CCSER1: variants seen among roughly 807,000 people sequenced by gnomAD.
CCSER1 encodes the protein coiled-coil serine rich protein 1.
A neutral mutation model predicts 82.0 loss-of-function variants in CCSER1; 41 were observed. That is an observed-to-expected ratio of 0.50 (90% CI 0.39 to 0.65). The LOEUF is 0.65. Among genes scored for constraint, CCSER1 ranks in the 30% least tolerant of loss-of-function variants. The pLI is 0.00. For synonymous variants in CCSER1, 414 were observed against 383.9 expected (o/e 1.08, Z -0.92); for missense variants, 1,119 against 1,064.2 (o/e 1.05, Z -0.72).
At chr4:90,269,993 C>A (rs979521435) in intron 1 of CCSER1, among the ~76,000 whole-genome samples, 3 of 151,968 alleles carry the variant, frequency 2.0e-5, no homozygotes, top group African/African-American at 7.2e-5. Context: ...AAAATCTGAG[C>A]AGACCAGAAA....
chr4:91,221,694 A>C (rs1402469036), intron 10 of CCSER1, among the ~76,000 whole-genome samples: 2 of 152,268 alleles, frequency 1.3e-5, no homozygotes, highest in East Asian at 1.9e-4. Context: ...ATAAGTTTAA[A>C]ATTGAGGTTA....
intron 5 of CCSER1, among the ~76,000 whole-genome samples, chr4:90,546,694 C>G (rs1389093209): frequency 6.6e-6 from 1 of 151,932 alleles, no homozygotes; most frequent in East Asian, 1.9e-4. Context: ...TACTGATTTT[C>G]TTTTTACTGG....
intron 1 of CCSER1, among the ~76,000 whole-genome samples, chr4:90,178,570 T>C (rs1295343517): frequency 8.5e-5 from 13 of 152,230 alleles, no homozygotes; most frequent in African/African-American, 2.9e-4. Flanking sequence ...GAAAATTGAA[T>C]ATAAATAAGT....
intron 5 of CCSER1, among the ~76,000 whole-genome samples, chr4:90,543,809 G>T (rs1178489437): frequency 6.6e-6 from 1 of 152,100 alleles, no homozygotes; most frequent in Non-Finnish European, 1.5e-5. Context: ...CTTAGAATGA[G>T]TTTTCTAATT....
intron 3 of CCSER1, among the ~76,000 whole-genome samples, chr4:90,379,280 C>T (rs1007400507): frequency 2.6e-5 from 4 of 152,118 alleles, no homozygotes; most frequent in Admixed American, 1.3e-4. Flanking sequence ...GCTATCTGGA[C>T]AGGGGAAGAC....
chr4:90,731,288 T>C (rs976241621), intron 7 of CCSER1, among the ~76,000 whole-genome samples: 1 of 152,224 alleles, frequency 6.6e-6, no homozygotes, highest in Non-Finnish European at 1.5e-5. Context: ...GATAGCATGA[T>C]ACGGAGATTA....
At chr4:90,819,830 G>A (rs188081505) in intron 8 of CCSER1, among the ~76,000 whole-genome samples, 2 of 152,218 alleles carry the variant, frequency 1.3e-5, no homozygotes, top group Non-Finnish European at 2.9e-5. Flanking sequence ...TCAACAGATC[G>A]AGATAAAAAT....
At chr4:90,149,089 A>G (rs933860276) in intron 1 of CCSER1, among the ~76,000 whole-genome samples, 15 of 152,296 alleles carry the variant, frequency 9.8e-5, no homozygotes, top group African/African-American at 3.4e-4. Context: ...TACTGATAAC[A>G]GCTGTCAGTA....
At chr4:91,157,819 A>G (rs1004431026) in intron 10 of CCSER1, among the ~76,000 whole-genome samples, 1 of 151,996 alleles carries the variant, frequency 6.6e-6, no homozygotes, top group African/African-American at 2.4e-5. Flanking sequence ...ATGGCCAAAC[A>G]TCTTTTTGAT....
chr4:91,345,214 A>G (rs1747973834), intron 10 of CCSER1, among the ~76,000 whole-genome samples: 1 of 152,122 alleles, frequency 6.6e-6, no homozygotes, highest in African/African-American at 2.4e-5. Flanking sequence ...CAATATGACG[A>G]AACCCTGTCT....
At chr4:90,220,769 C>T (rs1361353741) in intron 1 of CCSER1, among the ~76,000 whole-genome samples, 1 of 152,182 alleles carries the variant, frequency 6.6e-6, no homozygotes, top group Non-Finnish European at 1.5e-5. Flanking sequence ...CTGATCATTT[C>T]AGATATGTGT....
intron 7 of CCSER1, among the ~76,000 whole-genome samples, chr4:90,726,635 G>A (rs1028216435): frequency 6.6e-6 from 1 of 152,056 alleles, no homozygotes; most frequent in Non-Finnish European, 1.5e-5. Flanking sequence ...CTGAAAGATA[G>A]TCTAAGCCCC....
At chr4:91,531,614 A>G (rs1355882448) in intron 10 of CCSER1, among the ~76,000 whole-genome samples, 3 of 152,178 alleles carry the variant, frequency 2.0e-5, no homozygotes, top group Non-Finnish European at 4.4e-5. Context: ...AATGCCTTAG[A>G]CTGGGTAATT....
intron 8 of CCSER1, among the ~76,000 whole-genome samples, chr4:90,852,988 A>G (rs1764059955): frequency 6.6e-6 from 1 of 152,138 alleles, no homozygotes; most frequent in Non-Finnish European, 1.5e-5. Flanking sequence ...AGACAACTGT[A>G]TTTATACAGT....
At chr4:91,372,712 A>T (rs1301369826) in intron 10 of CCSER1, among the ~76,000 whole-genome samples, 1 of 152,158 alleles carries the variant, frequency 6.6e-6, no homozygotes, top group African/African-American at 2.4e-5. Context: ...TTCATCATAA[A>T]CTGATGGAAT....
chr4:90,355,587 T>C (rs535519727), intron 3 of CCSER1, among the ~76,000 whole-genome samples: 11 of 152,142 alleles, frequency 7.2e-5, no homozygotes, highest in African/African-American at 2.6e-4. Flanking sequence ...CACATACTCC[T>C]GCTACATAGG....
chr4:90,681,850 A>C (rs1254137263), intron 6 of CCSER1, among the ~76,000 whole-genome samples: 13 of 152,022 alleles, frequency 8.6e-5, no homozygotes, highest in Non-Finnish European at 1.8e-4. Flanking sequence ...ACTCAGAAAA[A>C]TGGTAAATTT....
chr4:90,988,431 A>AT (rs1475712898), intron 9 of CCSER1, among the ~76,000 whole-genome samples: 2 of 145,878 alleles, frequency 1.4e-5, no homozygotes, highest in African/African-American at 5.0e-5. Context: ...CATAATGTTG[A>AT]TTTTTTTGTT....
chr4:90,584,218 G>T (rs1457245821), intron 5 of CCSER1, among the ~76,000 whole-genome samples: 1 of 152,054 alleles, frequency 6.6e-6, no homozygotes, highest in African/African-American at 2.4e-5. Flanking sequence ...ATCTAGTTTT[G>T]CTTGATCTAC....
Sources: allele counts gnomAD v4.1 joint callset (sites outside exome capture counted in the v4.1 genomes callset), GRCh38; gene constraint gnomAD v4.1.1; transcripts MANE v1.5; gene names NCBI Gene and HGNC (gene_info 2026-07-23, HGNC 2026-07-21).